DCC: variants seen among roughly 807,000 people sequenced by gnomAD.
DCC encodes netrin receptor DCC.
Under a neutral mutation model 172.5 loss-of-function variants are expected in DCC, and 58 were observed. That is an observed-to-expected ratio of 0.34 (90% CI 0.27 to 0.42). The LOEUF (loss-of-function observed/expected upper bound fraction) is 0.42, where lower values mean the gene tolerates loss of function less well. Ranked by LOEUF, DCC falls within the 10% of genes least tolerant of loss-of-function variation. The pLI is 1.00. For missense variants in DCC, 1,740 were observed against 1,791.0 expected (o/e 0.97, Z 0.51); for synonymous variants, 709 against 644.5 (o/e 1.10, Z -1.52).
chr18:52,775,795 C>T (rs1175839618), intron 2 of DCC, among the ~76,000 whole-genome samples: 1 of 152,166 alleles, frequency 6.6e-6, no homozygotes, highest in Non-Finnish European at 1.5e-5. Flanking sequence ...TTTACAGGCC[C>T]AGGATGGGAA....
chr18:52,684,370 A>G lies in DCC; in HGVS notation c.92-67684A>G, dbSNP rs572178721. ...AAAATCTTTCATTATGCTACTTCAA[A>G]GCTAATTTCTTTCTTGTTTTTTTTT... On this transcript the variant is annotated intron_variant, in intron 1 of 28. Coordinates refer to ENST00000442544, the MANE Select transcript of DCC (RefSeq NM_005215.4). Among the ~76,000 whole-genome samples, 21 of 111,718 alleles carry G rather than the reference A, an allele frequency of 1.9e-4. No homozygotes were observed. The South Asian group carries it at 1.9e-3, about 10-fold the overall frequency. 73.3% of individuals were successfully genotyped at this position (111,718 alleles called of 152,430 possible).
At position 53,534,664 on chromosome 18, in the gene DCC, C is replaced by T. The variant is rs925928070; in HGVS notation, c.*4011C>T. On this transcript the variant is annotated 3_prime_UTR_variant, in exon 29 of 29. Transcript: ENST00000442544. ...TAGATAGGTGTTTTGTATGATATTC[C>T]ATTCCAATGCAAAATATATGTACCC... The T allele has an allele frequency of 6.6e-6, 1 of 152,066 alleles. No homozygotes were observed. The highest frequency in any genetic ancestry group is 1.5e-5 in the Non-Finnish European group (1 of 68,010). 9.4% of individuals were successfully genotyped at this position (152,066 alleles called of 1,614,324 possible).
At chr18:52,925,461 G>A (rs188654540) in intron 5 of DCC, 91 bp downstream of exon 5, 8 of 1,342,996 alleles carry the variant, frequency 6.0e-6, no homozygotes, top group Non-Finnish European at 3.2e-6. Context: ...TGATTCCTAT[G>A]TTTATTAGTG....
At chr18:52,395,888 A>G (rs1443237708) in intron 1 of DCC, among the ~76,000 whole-genome samples, 2 of 151,998 alleles carry the variant, frequency 1.3e-5, no homozygotes, top group Admixed American at 1.3e-4. Context: ...CCTATTCCAC[A>G]ACCCAGAGCT....
At chr18:53,315,188 C>A (rs994823630) in intron 13 of DCC, among the ~76,000 whole-genome samples, 1 of 152,148 alleles carries the variant, frequency 6.6e-6, no homozygotes, top group Non-Finnish European at 1.5e-5. Context: ...TGTTCAACTC[C>A]CACTTATGAG....
intron 1 of DCC, among the ~76,000 whole-genome samples, chr18:52,746,205 T>C (rs1568078231): frequency 1.3e-5 from 2 of 152,224 alleles, no homozygotes. Context: ...GTAGCATCTA[T>C]TTCTAAGAAA....
At chr18:52,848,210 G>A (rs377128864) in intron 2 of DCC, among the ~76,000 whole-genome samples, 36 of 150,700 alleles carry the variant, frequency 2.4e-4, no homozygotes, top group African/African-American at 7.8e-4. Context: ...CCCAGCCTCC[G>A]GAGTGCTGAG....
chr18:52,653,650 T>C (rs1264867360), intron 1 of DCC, among the ~76,000 whole-genome samples: 1 of 152,186 alleles, frequency 6.6e-6, no homozygotes, highest in Non-Finnish European at 1.5e-5. Context: ...GTAGGAGTTT[T>C]CTAGGTAGGA....
intron 1 of DCC, among the ~76,000 whole-genome samples, chr18:52,568,571 A>G (rs1185432379): frequency 1.3e-5 from 2 of 152,178 alleles, no homozygotes; most frequent in African/African-American, 4.8e-5. Flanking sequence ...CTTCAAAAAA[A>G]TAATTGATAC....
chr18:52,771,635 A>G (rs770470754), intron 2 of DCC, among the ~76,000 whole-genome samples: 4 of 152,138 alleles, frequency 2.6e-5, no homozygotes, highest in Non-Finnish European at 4.4e-5. Context: ...TCTCTGTGCT[A>G]TTTTATCTAT....
chr18:52,819,262 A>G (rs979693104), intron 2 of DCC, among the ~76,000 whole-genome samples: 1 of 152,178 alleles, frequency 6.6e-6, no homozygotes, highest in Non-Finnish European at 1.5e-5. Flanking sequence ...GTTCTAAAAT[A>G]TGCTTTCACT....
chr18:53,191,047 A>G (rs547521350), intron 9 of DCC, among the ~76,000 whole-genome samples: 3 of 152,216 alleles, frequency 2.0e-5, no homozygotes, highest in Admixed American at 6.5e-5. Flanking sequence ...TGCTAGGCAC[A>G]TAATTTCTAC....
chr18:52,489,424 G>C (rs1011905312), intron 1 of DCC, among the ~76,000 whole-genome samples: 1 of 152,070 alleles, frequency 6.6e-6, no homozygotes, highest in Non-Finnish European at 1.5e-5. Flanking sequence ...AGAGGACTTA[G>C]AGATTGCTAA....
chr18:52,388,517 T>TC (rs1445299845), intron 1 of DCC, among the ~76,000 whole-genome samples: 1 of 151,814 alleles, frequency 6.6e-6, no homozygotes, highest in African/African-American at 2.4e-5. Context: ...CTTTTTTTTT[T>TC]CCCCACGGAA....
At chr18:52,851,669 C>T (rs1006664358) in intron 2 of DCC, among the ~76,000 whole-genome samples, 1 of 152,072 alleles carries the variant, frequency 6.6e-6, no homozygotes, top group South Asian at 2.1e-4. Context: ...CTGAAATGAA[C>T]AATGTCAAGT....
intron 5 of DCC, among the ~76,000 whole-genome samples, chr18:52,971,367 T>G (rs1461225707): frequency 6.6e-6 from 1 of 152,150 alleles, no homozygotes; most frequent in African/African-American, 2.4e-5. Context: ...TAGCAATGGA[T>G]GTATAATTCC....
intron 1 of DCC, among the ~76,000 whole-genome samples, chr18:52,570,227 A>G (rs762456737): frequency 2.0e-5 from 3 of 152,184 alleles, no homozygotes; most frequent in Non-Finnish European, 4.4e-5. Flanking sequence ...CATTCTGCCT[A>G]TTGGATTATC....
At chr18:52,747,559 A>AC (rs1380523931) in intron 1 of DCC, among the ~76,000 whole-genome samples, 1 of 151,978 alleles carries the variant, frequency 6.6e-6, no homozygotes, top group Non-Finnish European at 1.5e-5. Context: ...CTTTGAATGA[A>AC]CTCTGAGTAC....
chr18:53,083,197 T>C (rs2042830613), intron 7 of DCC, among the ~76,000 whole-genome samples: 1 of 151,984 alleles, frequency 6.6e-6, no homozygotes, highest in African/African-American at 2.4e-5. Context: ...CAAATAGGAG[T>C]GACAATTGGT....
Sources: gnomAD v4.1 joint callset for allele counts (sites outside exome capture counted in the v4.1 genomes callset) on GRCh38, gnomAD v4.1.1 for gene constraint, MANE v1.5 for transcripts, NCBI Gene and HGNC (gene_info 2026-07-23, HGNC 2026-07-21) for gene names.